Variants in PRUNE2 observed in about 807,000 individuals in gnomAD.
The protein encoded by PRUNE2 is protein prune homolog 2.
A neutral mutation model predicts 252.0 loss-of-function variants in PRUNE2; 164 were observed. That is an observed-to-expected ratio of 0.65 (90% CI 0.57 to 0.74). The LOEUF (loss-of-function observed/expected upper bound fraction) is 0.74, where lower values mean the gene tolerates loss of function less well. Among genes scored for constraint, PRUNE2 ranks in the 30% least tolerant of loss-of-function variants. The pLI is 0.00. For missense variants in PRUNE2, 3,495 were observed against 3,711.0 expected (o/e 0.94, Z 1.51); for synonymous variants, 1,292 against 1,350.2 (o/e 0.96, Z 0.94).
chr9:76,654,529 C>T (rs138890723), intron 10 of PRUNE2, among the ~76,000 whole-genome samples: 14 of 152,300 alleles, frequency 9.2e-5, no homozygotes, highest in Non-Finnish European at 2.1e-4. Flanking sequence ...CTATTGAGCA[C>T]TTGAAATGAG....
At chr9:76,730,764 G>T (rs1029080206) in intron 6 of PRUNE2, among the ~76,000 whole-genome samples, 1 of 152,120 alleles carries the variant, frequency 6.6e-6, no homozygotes, top group African/African-American at 2.4e-5. Flanking sequence ...GCCGAGTGTG[G>T]TGGTGGCACA....
chr9:76,660,887 G>GA (rs1851150287), intron 9 of PRUNE2, among the ~76,000 whole-genome samples: 1 of 150,998 alleles, frequency 6.6e-6, no homozygotes, highest in South Asian at 2.1e-4. Flanking sequence ...TTAGGTGCAA[G>GA]AAAAAACTCT....
intron 6 of PRUNE2, chr9:76,819,419 T>G (rs1034960048): frequency 8.5e-5 from 13 of 152,140 alleles, no homozygotes; most frequent in Non-Finnish European, 1.3e-4. Context: ...ACACTACAGA[T>G]TACCAGCAAA....
intron 6 of PRUNE2, among the ~76,000 whole-genome samples, chr9:76,776,337 G>A (rs1271611330): frequency 6.6e-6 from 1 of 151,886 alleles, no homozygotes; most frequent in South Asian, 2.1e-4. Flanking sequence ...CACTCTCTGT[G>A]TCCATGTGTA....
chr9:76,633,962 T>A (rs536797957), intron 15 of PRUNE2, among the ~76,000 whole-genome samples: 24 of 151,980 alleles, frequency 1.6e-4, no homozygotes, highest in African/African-American at 5.8e-4. Context: ...AATAAAAAAA[T>A]TTAGCTGATT....
chr9:76,841,640 G>C (rs1430790145), intron 4 of PRUNE2, among the ~76,000 whole-genome samples: 6 of 152,200 alleles, frequency 3.9e-5, no homozygotes, highest in African/African-American at 1.4e-4. Flanking sequence ...ACTGAGGCTT[G>C]AGTAGGTGGT....
chr9:76,708,257 A>G lies in PRUNE2; in HGVS notation c.4017T>C (p.Leu1339=), dbSNP rs755550346. The G allele has an allele frequency of 1.2e-6, 2 of 1,613,668 alleles. No homozygotes were observed. ...EAQGATDRGH[L]DEEEVIASGV... ...CAGAGGCGATCACCTCCTCTTCATCAAGGTGCCCCCTGTCAGTGGCTCCCT... is the reference window on the plus strand; with the variant it reads ...CAGAGGCGATCACCTCCTCTTCATCGAGGTGCCCCCTGTCAGTGGCTCCCT... The change falls in exon 8 of 19, where the codon CTT becomes CTC. Residue 1339 remains leucine (L), a synonymous_variant. Transcript: ENST00000376718.
At chr9:76,740,711 T>C (rs1233477702) in intron 6 of PRUNE2, among the ~76,000 whole-genome samples, 1 of 152,178 alleles carries the variant, frequency 6.6e-6, no homozygotes, top group Non-Finnish European at 1.5e-5. Flanking sequence ...ATTTTTATAA[T>C]TAAAACATAA....
intron 9 of PRUNE2, among the ~76,000 whole-genome samples, chr9:76,661,622 TACA>T (rs1389431199): frequency 6.6e-6 from 1 of 152,188 alleles, no homozygotes; most frequent in Non-Finnish European, 1.5e-5. Context: ...TATTTAGTGA[TACA>T]AGGAATAATT....
At chr9:76,699,106 T>C (rs1183221302) in intron 9 of PRUNE2, among the ~76,000 whole-genome samples, 1 of 142,198 alleles carries the variant, frequency 7.0e-6, no homozygotes, top group Non-Finnish European at 1.5e-5. Flanking sequence ...TTGAATATCA[T>C]CCCTTTTCTC....
At chr9:76,905,588 G>T (rs1320248742) in intron 1 of PRUNE2, among the ~76,000 whole-genome samples, 1 of 152,118 alleles carries the variant, frequency 6.6e-6, no homozygotes, top group Non-Finnish European at 1.5e-5. Flanking sequence ...CAGAAGGCTG[G>T]GCTCTTTATC....
In PRUNE2 at chr9:76,673,176, AAG is replaced by A. The variant is rs1383643817; in HGVS notation, c.8277-17676_8277-17675del. 7.9e-5 allele frequency among the ~76,000 whole-genome samples: 12 copies of A among 152,338 alleles called. 1 individual carries two copies. Among genetic ancestry groups the A allele is most frequent in the African/African-American group, 2.4e-4 (10 of 41,576 alleles). ...CGCTAGCAAGACTAATGAAGAAAAA[AAG>A]AGAGAAAAATCAAATAGACACAATA... On this transcript the variant is annotated intron_variant, in intron 9 of 18. Coordinates refer to ENST00000376718, the MANE Select transcript of PRUNE2 (RefSeq NM_015225.3).
intron 6 of PRUNE2, among the ~76,000 whole-genome samples, chr9:76,714,852 C>T (rs2047013218): frequency 6.6e-6 from 1 of 152,188 alleles, no homozygotes; most frequent in Admixed American, 6.5e-5. Context: ...ACTGGAGAGA[C>T]AGGTACACAA....
chr9:76,695,285 G>A (rs1221696972), intron 9 of PRUNE2, among the ~76,000 whole-genome samples: 2 of 41,526 alleles, frequency 4.8e-5, no homozygotes, highest in African/African-American at 9.8e-5. Flanking sequence ...TGATCTGCCC[G>A]ACTCAGCCTT....
chr9:76,831,292 A>G (rs554062609), intron 4 of PRUNE2, among the ~76,000 whole-genome samples: 75 of 121,160 alleles, frequency 6.2e-4, no homozygotes, highest in Non-Finnish European at 1.2e-3. Context: ...GTCTGAAAGT[A>G]TGCGTCACAA....
chr9:76,751,895 A>G (rs2050641738), intron 6 of PRUNE2, among the ~76,000 whole-genome samples: 2 of 152,170 alleles, frequency 1.3e-5, no homozygotes, highest in Non-Finnish European at 2.9e-5. Flanking sequence ...AGAACTATCA[A>G]ATTTGGATCT....
chr9:76,766,893 A>G (rs1057364889), intron 6 of PRUNE2, among the ~76,000 whole-genome samples: 3 of 152,130 alleles, frequency 2.0e-5, no homozygotes, highest in African/African-American at 7.2e-5. Flanking sequence ...ACAGGCATAC[A>G]CATACACAAC....
intron 6 of PRUNE2, among the ~76,000 whole-genome samples, chr9:76,719,663 T>C (rs2047456791): frequency 6.6e-6 from 1 of 152,000 alleles, no homozygotes; most frequent in Admixed American, 6.6e-5. Context: ...CTTTTTTTTT[T>C]CAGAGTTGGG....
chr9:76,614,546 A>T lies in PRUNE2; in HGVS notation c.*24T>A. On this transcript the variant is annotated 3_prime_UTR_variant, in exon 19 of 19. Coordinates refer to ENST00000376718, the MANE Select transcript of PRUNE2 (RefSeq NM_015225.3). ...CAACAGAACCATGAACCAGAAAAGC[A>T]TCCTCTTCTTCCAGCATGGCCAACT... 6.2e-7 allele frequency: 1 copy of T among 1,602,414 alleles called. No homozygotes were observed. Among genetic ancestry groups the T allele is most frequent in the Non-Finnish European group, 8.6e-7 (1 of 1,169,584 alleles).
Sources: gnomAD v4.1 joint callset for allele counts (sites outside exome capture counted in the v4.1 genomes callset) on GRCh38, gnomAD v4.1.1 for gene constraint, MANE v1.5 for transcripts, NCBI Gene and HGNC (gene_info 2026-07-23, HGNC 2026-07-21) for gene names.